LSMEM2: variants seen among roughly 807,000 people sequenced by gnomAD.
The protein encoded by LSMEM2 is leucine rich single-pass membrane protein 2.
LSMEM2 carries 20 observed loss-of-function variants against 17.3 expected under a neutral mutation model. The ratio of observed to expected loss-of-function variants is 1.16; its 90% CI spans 0.81 to 1.68. The LOEUF (loss-of-function observed/expected upper bound fraction) is 1.68, where lower values mean the gene tolerates loss of function less well. Among genes scored for constraint, LSMEM2 ranks in the 40% most tolerant of loss-of-function variants. The pLI is 0.00. For missense variants in LSMEM2, 207 were observed against 214.3 expected, an observed-to-expected ratio of 0.97 and a Z score of 0.21; for synonymous variants, 94 against 97.8, an observed-to-expected ratio of 0.96 and a Z score of 0.23.
chr3:50,288,019 G>T lies in LSMEM2; in HGVS notation c.*817G>T. 4.8e-6 allele frequency: 3 copies of T among 624,860 alleles called. No individual in the cohort carries two copies. Among genetic ancestry groups the T allele is most frequent in the Non-Finnish European group, 8.7e-6 (3 of 345,616 alleles). 38.7% of individuals were successfully genotyped at this position (624,860 alleles called of 1,614,324 possible). A position where few individuals can be genotyped will look rare whatever the true frequency, so the allele number is the denominator to read the frequency against. On this transcript the variant is annotated 3_prime_UTR_variant, in exon 4 of 4. Coordinates refer to ENST00000316436, the MANE Select transcript of LSMEM2 (RefSeq NM_153215.3). Reference sequence around the variant, plus strand: ...CACAGGGCTGAGTGCAGGGACAAAGGGGTCAGGGTCCCAAGTGTCCGGGCC... The same window carrying T: ...CACAGGGCTGAGTGCAGGGACAAAGTGGTCAGGGTCCCAAGTGTCCGGGCC...
In LSMEM2 at chr3:50,286,436, A is replaced by T. The variant is rs782503355; in HGVS notation, c.59-35A>T. On this transcript the variant is annotated intron_variant, in intron 1 of 3. Coordinates refer to ENST00000316436, the MANE Select transcript of LSMEM2 (RefSeq NM_153215.3). ...CTGGTAGAAGGAAGGGGGTTGACCC[A>T]CCACTGGCTAAATCAGCCTGCGCTG... 3 of 1,556,984 alleles carry T rather than the reference A, an allele frequency of 1.9e-6. No homozygotes were observed. In the African/African-American group the frequency reaches 4.1e-5, roughly 21 times the overall value.
chr3:50,287,465 C>T lies in LSMEM2; in HGVS notation c.*263C>T, dbSNP rs948146115. 1.9e-5 allele frequency: 10 copies of T among 534,634 alleles called. No individual in the cohort carries two copies. Among genetic ancestry groups the T allele is most frequent in the South Asian group, 4.2e-5 (2 of 47,896 alleles). 33.1% of individuals were successfully genotyped at this position (534,634 alleles called of 1,614,324 possible). ...AGGGGCACCAGCCTCCTGGCTCCTCCTGTGGCCTGTCAACACTCTCTGGCC... is the reference window on the plus strand; with the variant it reads ...AGGGGCACCAGCCTCCTGGCTCCTCTTGTGGCCTGTCAACACTCTCTGGCC... On this transcript the variant is annotated 3_prime_UTR_variant, in exon 4 of 4. Coordinates refer to ENST00000316436, the MANE Select transcript of LSMEM2 (RefSeq NM_153215.3).
intron 1 of LSMEM2, among the ~76,000 whole-genome samples, chr3:50,282,800 C>A (rs1210973796): frequency 1.3e-5 from 2 of 151,564 alleles, no homozygotes; most frequent in African/African-American, 4.9e-5. Flanking sequence ...AGGAAAATCA[C>A]TTGAACCCAG....
Position 50,279,106 on chromosome 3 carries a change from G to A in LSMEM2, c.-8G>A, listed in dbSNP as rs200038692. 2,421 of 1,614,064 alleles carry A rather than the reference G, an allele frequency of 1.5e-3. 1 individual carries two copies. The highest frequency in any genetic ancestry group is 1.8e-3 in the Non-Finnish European group (2,144 of 1,179,890). Reference sequence around the variant, plus strand: ...GCCACTGCTGCATTTGTCCAGTCCTGCTACTGGATGCCATCATTGGCCCCC... The same window carrying A: ...GCCACTGCTGCATTTGTCCAGTCCTACTACTGGATGCCATCATTGGCCCCC... On this transcript the variant is annotated 5_prime_UTR_variant, in exon 1 of 4. Transcript: ENST00000316436.
In LSMEM2 at chr3:50,283,626, CAA is replaced by C. The variant is rs782534727; in HGVS notation, c.59-2823_59-2822del. On this transcript the variant is annotated intron_variant, in intron 1 of 3. Coordinates refer to ENST00000316436, the MANE Select transcript of LSMEM2 (RefSeq NM_153215.3). Reference sequence around the variant, plus strand: ...TGGGCGGCAGAGCGAGACTCCATCTCAAAAAAAAAAAAAAAAAAAAAAATTTG... The same window carrying C: ...TGGGCGGCAGAGCGAGACTCCATCTCAAAAAAAAAAAAAAAAAAAAATTTG... 9.1e-3 allele frequency among the ~76,000 whole-genome samples: 490 copies of C among 53,558 alleles called. 1 individual carries two copies. The highest frequency in any genetic ancestry group is 0.032 in the African/African-American group (441 of 13,914). The allele number at this position is 53,558 out of a possible 152,430, so 35.1% of individuals were successfully genotyped here. A position where few individuals can be genotyped will look rare whatever the true frequency, so the allele number is the denominator to read the frequency against.
In LSMEM2 at chr3:50,287,982, A is replaced by G; in HGVS notation, c.*780A>G. 3.4e-6 allele frequency: 2 copies of G among 580,794 alleles called. No homozygotes were observed. The highest frequency in any genetic ancestry group is 4.0e-5 in the South Asian group (2 of 50,558). 36.0% of individuals were successfully genotyped at this position (580,794 alleles called of 1,614,324 possible). ...CATATTTAGCCTGGCCTGAGACAGG[A>G]CAGGAAGGGGCCACAGGGCTGAGTG... On this transcript the variant is annotated 3_prime_UTR_variant, in exon 4 of 4. Transcript: ENST00000316436.
At position 50,286,305 on chromosome 3, in the gene LSMEM2, C is replaced by T. The variant is rs113661859; in HGVS notation, c.59-166C>T. ...GAATAAGCCTGTAAGGGTCTGGGAT[C>T]ATCCTGGATCCAAATCAAGGGTAAT... On this transcript the variant is annotated intron_variant, in intron 1 of 3. Transcript: ENST00000316436. 2.5e-3 allele frequency: 1,455 copies of T among 584,122 alleles called. 17 individuals carry two copies. In the African/African-American group the frequency reaches 0.028, roughly 11 times the overall value. The allele number at this position is 584,122 out of a possible 1,614,324, so 36.2% of individuals were successfully genotyped here.
At chr3:50,281,391 C>T (rs1185308183) in intron 1 of LSMEM2, among the ~76,000 whole-genome samples, 1 of 111,640 alleles carries the variant, frequency 9.0e-6, no homozygotes, top group East Asian at 2.8e-4. Flanking sequence ...GAGACGGAGT[C>T]TTGCTCTGTC....
At chr3:50,284,868 T>G (rs1701479725) in intron 1 of LSMEM2, among the ~76,000 whole-genome samples, 1 of 149,972 alleles carries the variant, frequency 6.7e-6, no homozygotes, top group Admixed American at 6.7e-5. Context: ...AAACCTGGTT[T>G]CTACTGAAAA....
At chr3:50,279,212 C>G (rs376258428) in intron 1 of LSMEM2, 41 bp downstream of exon 1, 2 of 1,590,930 alleles carry the variant, frequency 1.3e-6, no homozygotes, top group South Asian at 1.1e-5. Flanking sequence ...GGCCTCAGTC[C>G]TGTGACCTTG....
In LSMEM2 at chr3:50,287,945, C is replaced by T; in HGVS notation, c.*743C>T. The T allele has an allele frequency of 1.9e-6, 1 of 522,008 alleles. No homozygotes were observed. Among genetic ancestry groups the T allele is most frequent in the Admixed American group, 3.2e-5 (1 of 31,178 alleles). 32.3% of individuals were successfully genotyped at this position (522,008 alleles called of 1,614,324 possible). On this transcript the variant is annotated 3_prime_UTR_variant, in exon 4 of 4. Coordinates refer to ENST00000316436, the MANE Select transcript of LSMEM2 (RefSeq NM_153215.3). ...GCCCCCTAGTGCCTGCCCCACAGCC[C>T]TGAGGAAGGCACATATTTAGCCTGG...
intron 1 of LSMEM2, among the ~76,000 whole-genome samples, chr3:50,280,177 C>CTTTTTTTTTTT (rs10656924): frequency 2.5e-5 from 3 of 117,672 alleles, no homozygotes; most frequent in Non-Finnish European, 5.0e-5. Flanking sequence ...CTGGCCTCAA[C>CTTTTTTTTTTT]TTTTTTTTTT....
chr3:50,285,722 A>G (rs587743692), intron 1 of LSMEM2, among the ~76,000 whole-genome samples: 1 of 152,306 alleles, frequency 6.6e-6, no homozygotes, highest in African/African-American at 2.4e-5. Context: ...GGAAATTGGG[A>G]AAAAACCTTC....
chr3:50,286,620 G>T (rs1553708524), intron 2 of LSMEM2, 36 bp downstream of exon 2: 2 of 1,611,432 alleles, frequency 1.2e-6, no homozygotes, highest in Admixed American at 1.7e-5. Context: ...ATGTGCTGGG[G>T]GAGGGGACGA....
chr3:50,280,793 C>G (rs1701377019), intron 1 of LSMEM2, among the ~76,000 whole-genome samples: 1 of 151,782 alleles, frequency 6.6e-6, no homozygotes, highest in Non-Finnish European at 1.5e-5. Flanking sequence ...TGGGGTTTCA[C>G]TGTGTTAGCC....
At chr3:50,281,891 G>A (rs782077100) in intron 1 of LSMEM2, among the ~76,000 whole-genome samples, 4 of 151,734 alleles carry the variant, frequency 2.6e-5, no homozygotes, top group Non-Finnish European at 5.9e-5. Flanking sequence ...TAGCTCTGTC[G>A]CCCAGGCTGG....
rs1701366715 is a variant in LSMEM2 at position 50,280,461 on chromosome 3, T to C, written c.58+1290T>C. ...TGAGCCACTGCCAACATTTTCAACA[T>C]TGCAGGAGAGGGGCCTTGCCCCTGG... On this transcript the variant is annotated intron_variant, in intron 1 of 3. Coordinates refer to ENST00000316436, the MANE Select transcript of LSMEM2 (RefSeq NM_153215.3). 2.6e-5 allele frequency among the ~76,000 whole-genome samples: 4 copies of C among 152,234 alleles called. No individual in the cohort carries two copies. The South Asian group carries it at 8.3e-4, about 32-fold the overall frequency.
In LSMEM2 at chr3:50,287,413, C is replaced by A; in HGVS notation, c.*211C>A. On this transcript the variant is annotated 3_prime_UTR_variant, in exon 4 of 4. Transcript: ENST00000316436. ...AGCCAAGCCTCTGGTGCCAAAGCCT[C>A]GCTTTGGGTGGCCCAAGGTCAGGGG... 2 of 686,890 alleles carry A rather than the reference C, an allele frequency of 2.9e-6. No homozygotes were observed. Among genetic ancestry groups the A allele is most frequent in the Non-Finnish European group, 4.8e-6 (2 of 420,368 alleles). 42.5% of individuals were successfully genotyped at this position (686,890 alleles called of 1,614,324 possible).
At chr3:50,283,658 G>T in intron 1 of LSMEM2, among the ~76,000 whole-genome samples, 1 of 151,584 alleles carries the variant, frequency 6.6e-6, no homozygotes. Context: ...AATTTGCAGG[G>T]TGTGGTGGTG....
Sources: allele counts gnomAD v4.1 joint callset (sites outside exome capture counted in the v4.1 genomes callset), GRCh38; gene constraint gnomAD v4.1.1; transcripts MANE v1.5; gene names NCBI Gene and HGNC (gene_info 2026-07-23, HGNC 2026-07-21).